Variants in GRIN2A observed in about 807,000 individuals in gnomAD.
GRIN2A encodes the protein glutamate receptor ionotropic, NMDA 2A.
Under a neutral mutation model 113.4 loss-of-function variants are expected in GRIN2A, and 22 were observed. The observed-to-expected ratio is 0.19, with a 90% CI of 0.14 to 0.28. The LOEUF (loss-of-function observed/expected upper bound fraction) is 0.28, where lower values mean the gene tolerates loss of function less well. Ranked by LOEUF, GRIN2A falls within the 10% of genes least tolerant of loss-of-function variation. The pLI is 1.00. For missense variants in GRIN2A, 1,502 were observed against 1,887.0 expected, an observed-to-expected ratio of 0.80 and a Z score of 3.78; for synonymous variants, 827 against 738.4, an observed-to-expected ratio of 1.12 and a Z score of -1.94.
chr16:9,966,924 G>T (rs1387009378), intron 2 of GRIN2A, among the ~76,000 whole-genome samples: 2 of 152,154 alleles, frequency 1.3e-5, no homozygotes, highest in Admixed American at 6.5e-5. Flanking sequence ...CAGCACAAAG[G>T]TTACCCAGTG....
intron 2 of GRIN2A, among the ~76,000 whole-genome samples, chr16:10,038,196 T>C (rs560799057): frequency 1.3e-5 from 2 of 152,264 alleles, no homozygotes; most frequent in Non-Finnish European, 2.9e-5. Context: ...TCTCACTGTG[T>C]CCTCACAGTG....
At chr16:9,932,834 G>A (rs9935669) in intron 3 of GRIN2A, among the ~76,000 whole-genome samples, 1,889 of 152,226 alleles carry the variant, frequency 0.012, 44 homozygotes, top group African/African-American at 0.043. Context: ...ACTCACCCAA[G>A]GTCCGAAGTC....
At chr16:9,810,954 T>C (rs2042075566) in intron 10 of GRIN2A, among the ~76,000 whole-genome samples, 1 of 152,038 alleles carries the variant, frequency 6.6e-6, no homozygotes, top group African/African-American at 2.4e-5. Context: ...GTAAACAGTG[T>C]CTCCTAACCT....
intron 10 of GRIN2A, among the ~76,000 whole-genome samples, chr16:9,819,270 A>T (rs1196602554): frequency 6.6e-6 from 1 of 152,178 alleles, no homozygotes; most frequent in African/African-American, 2.4e-5. Context: ...CTGTAATCCC[A>T]GCACTTTGAG....
At chr16:9,903,275 G>T (rs1194686694) in intron 3 of GRIN2A, among the ~76,000 whole-genome samples, 2 of 151,938 alleles carry the variant, frequency 1.3e-5, no homozygotes, top group African/African-American at 4.8e-5. Flanking sequence ...GCCTCTCTTG[G>T]TTTTCTTAAT....
intron 2 of GRIN2A, among the ~76,000 whole-genome samples, chr16:10,153,867 T>C (rs1387166954): frequency 6.6e-6 from 1 of 152,204 alleles, no homozygotes; most frequent in Non-Finnish European, 1.5e-5. Context: ...ACCTACTTCA[T>C]GTCAAACCCC....
chr16:10,015,420 G>A (rs1420903088), intron 2 of GRIN2A, among the ~76,000 whole-genome samples: 12 of 151,904 alleles, frequency 7.9e-5, no homozygotes, highest in Non-Finnish European at 4.4e-5. Context: ...AGAGACCTGT[G>A]GCCTACCTTT....
rs2043541398 is a variant in GRIN2A at position 9,884,102 on chromosome 16, C to T, written c.1122+6884G>A. Among the ~76,000 whole-genome samples the T allele has an allele frequency of 2.6e-5, 4 of 152,276 alleles. No homozygotes were observed. The East Asian group carries it at 7.7e-4, about 29-fold the overall frequency. ...TTTGTCTAGGATACACTAATTAGTT[C>T]AGTTTAGCTTTTCCACAGTGTACAA... is the stretch of plus-strand genomic sequence containing the variant. On this transcript the variant is annotated intron_variant, in intron 4 of 12. Coordinates refer to ENST00000330684, the MANE Select transcript of GRIN2A (RefSeq NM_001134407.3).
intron 2 of GRIN2A, among the ~76,000 whole-genome samples, chr16:10,138,896 G>A (rs2049260559): frequency 6.6e-6 from 1 of 152,188 alleles, no homozygotes; most frequent in South Asian, 2.1e-4. Context: ...TGAATGATGA[G>A]TGAATTAAGT....
rs576422103 is a variant in GRIN2A, at chr16:9,758,113, C to T, written c.*5036G>A. The T allele has an allele frequency of 4.7e-6, 1 of 214,244 alleles. No homozygotes were observed. The highest frequency in any genetic ancestry group is 6.9e-5 in the East Asian group (1 of 14,502). 13.3% of individuals were successfully genotyped at this position (214,244 alleles called of 1,614,324 possible). A position where few individuals can be genotyped will look rare whatever the true frequency, so the allele number is the denominator to read the frequency against. On this transcript the variant is annotated 3_prime_UTR_variant, in exon 13 of 13. Coordinates refer to ENST00000330684, the MANE Select transcript of GRIN2A (RefSeq NM_001134407.3). ...AAACTTCATTTTTCTCATCTCTCCT[C>T]CCCTTCTCCTAACTTTTGGTGTGGT... is the stretch of plus-strand genomic sequence containing the variant.
intron 11 of GRIN2A, among the ~76,000 whole-genome samples, chr16:9,778,233 A>G (rs1380425718): frequency 6.6e-6 from 1 of 152,234 alleles, no homozygotes; most frequent in Non-Finnish European, 1.5e-5. Context: ...GAAGTTGGAG[A>G]GATACAATTC....
intron 2 of GRIN2A, among the ~76,000 whole-genome samples, chr16:10,119,220 GT>G (rs1169820413): frequency 6.6e-6 from 1 of 152,214 alleles, no homozygotes; most frequent in Non-Finnish European, 1.5e-5. Context: ...GCAGAATTCA[GT>G]AGGAGGAGGA....
chr16:9,841,800 C>G (rs1458717857), intron 5 of GRIN2A, among the ~76,000 whole-genome samples: 2 of 152,164 alleles, frequency 1.3e-5, no homozygotes, highest in African/African-American at 4.8e-5. Context: ...AAGCAAGGTC[C>G]TTGATCAGGT....
At chr16:9,864,409 G>A (rs1477347944) in intron 4 of GRIN2A, among the ~76,000 whole-genome samples, 1 of 151,098 alleles carries the variant, frequency 6.6e-6, no homozygotes, top group Non-Finnish European at 1.5e-5. Context: ...CTATAGATAT[G>A]ACTTCTCTTA....
At chr16:10,015,289 AGAAAGGAAAG>A (rs368112397) in intron 2 of GRIN2A, among the ~76,000 whole-genome samples, 11,499 of 128,742 alleles carry the variant, frequency 0.089, 523 homozygotes, top group African/African-American at 0.13. Context: ...AAAAAGAAAA[AGAAAGGAAAG>A]GAAAAGAAAA....
At chr16:10,056,859 G>A (rs1409748579) in intron 2 of GRIN2A, among the ~76,000 whole-genome samples, 1 of 152,116 alleles carries the variant, frequency 6.6e-6, no homozygotes, top group Admixed American at 6.5e-5. Context: ...CTCTAGAACT[G>A]TGATATAATA....
chr16:9,819,503 CAG>C (rs1374972161), intron 10 of GRIN2A, among the ~76,000 whole-genome samples: 1 of 149,476 alleles, frequency 6.7e-6, no homozygotes, highest in Non-Finnish European at 1.5e-5. Context: ...ACCTGGGTGA[CAG>C]AGTGAGACCC....
intron 2 of GRIN2A, among the ~76,000 whole-genome samples, chr16:10,167,612 T>A (rs528206070): frequency 1.3e-5 from 2 of 152,172 alleles, no homozygotes; most frequent in African/African-American, 4.8e-5. Flanking sequence ...GCCACCTCCA[T>A]GGAAGGGAAC....
intron 2 of GRIN2A, among the ~76,000 whole-genome samples, chr16:10,113,262 C>T (rs1176386688): frequency 1.3e-5 from 2 of 152,142 alleles, no homozygotes; most frequent in Non-Finnish European, 2.9e-5. Context: ...GGAAATGGTG[C>T]TTTCCTGGCT....
Sources: gnomAD v4.1 joint callset for allele counts (sites outside exome capture counted in the v4.1 genomes callset) on GRCh38, gnomAD v4.1.1 for gene constraint, MANE v1.5 for transcripts, NCBI Gene and HGNC (gene_info 2026-07-23, HGNC 2026-07-21) for gene names.